The following PEX5L variants were observed in gnomAD, a reference collection of about 807,000 sequenced individuals.
PEX5L encodes the protein PEX5-related protein.
In PEX5L, 30 loss-of-function variants were observed where a neutral mutation model predicts 84.0. The observed-to-expected ratio is 0.36, with a 90% CI of 0.27 to 0.48. The LOEUF is 0.48. PEX5L is among the 20% of genes least tolerant of loss of function. The probability of loss-of-function intolerance (pLI) is 0.99; values close to 1 mark genes in which losing one functional copy is unlikely to be tolerated. For synonymous variants in PEX5L, 270 were observed against 283.1 expected (o/e 0.95, Z 0.46); for missense variants, 533 against 754.6 (o/e 0.71, Z 3.44).
At chr3:179,919,053 A>G (rs1768296529) in intron 2 of PEX5L, among the ~76,000 whole-genome samples, 1 of 152,200 alleles carries the variant, frequency 6.6e-6, no homozygotes, top group South Asian at 2.1e-4. Context: ...GTACTATTTC[A>G]TTCTATGCTC....
At chr3:179,942,414 C>A (rs1776385851) in intron 2 of PEX5L, among the ~76,000 whole-genome samples, 1 of 152,238 alleles carries the variant, frequency 6.6e-6, no homozygotes, top group African/African-American at 2.4e-5. Context: ...GACAACACTG[C>A]GGGACCGCGG....
intron 1 of PEX5L, among the ~76,000 whole-genome samples, chr3:179,988,051 C>T (rs1412585959): frequency 6.6e-6 from 1 of 152,014 alleles, no homozygotes; most frequent in Non-Finnish European, 1.5e-5. Context: ...ATTGTTAATC[C>T]TATGATTTCA....
chr3:179,857,373 G>C (rs1324807392), intron 8 of PEX5L, among the ~76,000 whole-genome samples: 1 of 152,182 alleles, frequency 6.6e-6, no homozygotes, highest in Non-Finnish European at 1.5e-5. Context: ...AGAACTTTTT[G>C]ATAATTAGTA....
At chr3:180,025,529 C>T (rs1460449093) in intron 1 of PEX5L, among the ~76,000 whole-genome samples, 1 of 152,142 alleles carries the variant, frequency 6.6e-6, no homozygotes, top group Non-Finnish European at 1.5e-5. Context: ...GCTAAAGAAG[C>T]ATCAAGAAAA....
At chr3:179,885,141 A>T (rs7614684) in intron 4 of PEX5L, among the ~76,000 whole-genome samples, 40,369 of 151,984 alleles carry the variant, frequency 0.27, 6,271 homozygotes, top group East Asian at 0.61. Context: ...TGGAGGTGGG[A>T]AAAAATAAAT....
intron 11 of PEX5L, among the ~76,000 whole-genome samples, chr3:179,811,205 CAT>C (rs1375363860): frequency 8.0e-6 from 1 of 125,540 alleles, no homozygotes; most frequent in African/African-American, 3.2e-5. Flanking sequence ...ATACATATAA[CAT>C]ATGGAATGTA....
At chr3:179,918,957 T>C (rs1374767464) in intron 2 of PEX5L, among the ~76,000 whole-genome samples, 1 of 152,234 alleles carries the variant, frequency 6.6e-6, no homozygotes, top group East Asian at 1.9e-4. Flanking sequence ...TTCTACTCAA[T>C]TCTCCAATGT....
chr3:179,964,403 C>T (rs1046155932), intron 2 of PEX5L, among the ~76,000 whole-genome samples: 3 of 152,004 alleles, frequency 2.0e-5, no homozygotes, highest in Non-Finnish European at 2.9e-5. Context: ...GAATTCATGA[C>T]GAAGATGCCA....
At chr3:179,849,768 TTC>T (rs1741062810) in intron 8 of PEX5L, among the ~76,000 whole-genome samples, 1 of 152,250 alleles carries the variant, frequency 6.6e-6, no homozygotes, top group Non-Finnish European at 1.5e-5. Context: ...CATGTTCACT[TTC>T]TTCTCCATTT....
chr3:179,810,498 G>A (rs185355186), intron 11 of PEX5L, among the ~76,000 whole-genome samples: 10 of 152,242 alleles, frequency 6.6e-5, no homozygotes, highest in Non-Finnish European at 1.3e-4. Flanking sequence ...CTGGCCTCTA[G>A]CAAGGGATTT....
intron 8 of PEX5L, 42 bp from the exon 9 acceptor site, chr3:179,820,018 T>C: frequency 6.2e-7 from 1 of 1,612,914 alleles, no homozygotes; most frequent in Non-Finnish European, 8.5e-7. Context: ...TTTAAGAACA[T>C]GCCACATCAT....
intron 4 of PEX5L, among the ~76,000 whole-genome samples, chr3:179,883,779 C>G (rs544085356): frequency 6.7e-6 from 1 of 150,004 alleles, no homozygotes; most frequent in African/African-American, 2.4e-5. Context: ...AGCAAAACTC[C>G]GTCTCAAAAA....
chr3:180,031,782 C>T (rs1791490891), intron 1 of PEX5L, among the ~76,000 whole-genome samples: 2 of 152,184 alleles, frequency 1.3e-5, no homozygotes. Context: ...CATGGTGTAT[C>T]ACATCTTAAT....
intron 2 of PEX5L, chr3:179,900,606 T>C (rs1285906641): frequency 8.9e-7 from 1 of 1,121,976 alleles, no homozygotes; most frequent in African/African-American, 1.5e-5. Context: ...AAAGCAGTGG[T>C]CAGCTAGAAA....
intron 8 of PEX5L, among the ~76,000 whole-genome samples, chr3:179,823,321 T>C (rs1042450794): frequency 6.6e-6 from 1 of 152,178 alleles, no homozygotes; most frequent in African/African-American, 2.4e-5. Context: ...AATGGACTGT[T>C]ACGCAGCAAT....
chr3:179,961,830 G>A (rs1782121777), intron 2 of PEX5L, among the ~76,000 whole-genome samples: 3 of 152,140 alleles, frequency 2.0e-5, no homozygotes, highest in Admixed American at 1.3e-4. Context: ...TTAGACAAAA[G>A]CACTGGCAGC....
At chr3:179,940,927 A>G (rs1775909640) in intron 2 of PEX5L, among the ~76,000 whole-genome samples, 2 of 152,206 alleles carry the variant, frequency 1.3e-5, no homozygotes, top group South Asian at 4.1e-4. Flanking sequence ...GTCTTGAGCT[A>G]CCTCTTTTTC....
At chr3:180,028,773 A>G (rs1791188058) in intron 1 of PEX5L, among the ~76,000 whole-genome samples, 1 of 152,256 alleles carries the variant, frequency 6.6e-6, no homozygotes, top group African/African-American at 2.4e-5. Flanking sequence ...CTGTGACCTC[A>G]AAATTGAACA....
intron 3 of PEX5L, among the ~76,000 whole-genome samples, chr3:179,897,220 G>A (rs190031887): frequency 3.3e-5 from 5 of 152,082 alleles, no homozygotes; most frequent in Non-Finnish European, 5.9e-5. Flanking sequence ...GACATTTTTC[G>A]AATTCTAGGC....
Sources: gnomAD v4.1 joint callset for allele counts (sites outside exome capture counted in the v4.1 genomes callset) on GRCh38, gnomAD v4.1.1 for gene constraint, MANE v1.5 for transcripts, NCBI Gene and HGNC (gene_info 2026-07-23, HGNC 2026-07-21) for gene names.